LRRC53: variants seen among roughly 807,000 people sequenced by gnomAD.
LRRC53 encodes the protein leucine-rich repeat-containing protein 53.
In LRRC53, 25 loss-of-function variants were observed where a neutral mutation model predicts 13.6. That is an observed-to-expected ratio of 1.83 (90% confidence interval 1.34 to 2.56). The LOEUF (loss-of-function observed/expected upper bound fraction) is 2.56. Among genes scored for constraint, LRRC53 ranks in the 30% most tolerant of loss-of-function variants. The pLI is 0.00. For missense variants in LRRC53, 527 were observed against 275.8 expected, an observed-to-expected ratio of 1.91 and a Z score of -6.45; for synonymous variants, 204 against 109.8, an observed-to-expected ratio of 1.86 and a Z score of -5.37.
intron 1 of LRRC53, chr1:74,489,162 GA>G (rs944483618): frequency 6.3e-7 from 1 of 1,595,520 alleles, no homozygotes; most frequent in Non-Finnish European, 8.5e-7. Flanking sequence ...ATTCTTAAGG[GA>G]AAAAAGTTCT....
At chr1:74,531,144 T>A in the LRRC53 span, among the ~76,000 whole-genome samples, 1 of 152,194 alleles carries the variant, frequency 6.6e-6, no homozygotes, top group East Asian at 1.9e-4. Context: ...AGAAAACTGA[T>A]GGGTTTGATA....
At chr1:74,493,904 G>T (rs1419162210) in intron 1 of LRRC53, among the ~76,000 whole-genome samples, 1 of 152,178 alleles carries the variant, frequency 6.6e-6, no homozygotes, top group South Asian at 2.1e-4. Context: ...AAATATACTT[G>T]ATTTTTAGTG....
upstream of LRRC53, among the ~76,000 whole-genome samples, chr1:74,514,410 A>C (rs72981503): frequency 1.7e-4 from 26 of 152,312 alleles, no homozygotes; most frequent in African/African-American, 6.3e-4. Context: ...TTTAAGTAAA[A>C]AGGGGAGCAT....
At chr1:74,522,734 A>G in the LRRC53 span, among the ~76,000 whole-genome samples, 2 of 152,150 alleles carry the variant, frequency 1.3e-5, no homozygotes, top group Non-Finnish European at 2.9e-5. Flanking sequence ...TGATTGGAAT[A>G]TTGATCATTT....
chr1:74,512,796 T>C (rs1435967523), upstream of LRRC53, among the ~76,000 whole-genome samples: 2 of 152,198 alleles, frequency 1.3e-5, no homozygotes, highest in Non-Finnish European at 2.9e-5. Context: ...CTGTCTTCAC[T>C]GTTGGGAGCT....
Position 74,471,931 on chromosome 1 carries a change from C to T in LRRC53, c.1691G>A (p.Arg564Lys), listed in dbSNP as rs1168268327. ...AAGAGAATTGTTTGGCTGAAAATAC[C>T]TAGGTTTGCTCTGTTTTAACAGTCC... ...PCGLLKQSKP[R>K]YFQPNNSLIC... The change falls in exon 5 of 5, where the codon AGG becomes AAG. Residue 564 changes from arginine (R) to lysine (K), a missense_variant. By Grantham distance (26) the Arg-to-Lys change is conservative. Transcript: ENST00000294635. 1 of 502,756 alleles carries T rather than the reference C, an allele frequency of 2.0e-6. No homozygotes were observed. Among genetic ancestry groups the T allele is most frequent in the Non-Finnish European group, 3.5e-6 (1 of 282,404 alleles). The allele number at this position is 502,756 out of a possible 1,614,324, so 31.1% of individuals were successfully genotyped here.
At chr1:74,530,418 G>A in the LRRC53 span, among the ~76,000 whole-genome samples, 3 of 152,156 alleles carry the variant, frequency 2.0e-5, no homozygotes, top group Admixed American at 6.6e-5. Context: ...TATAAAATGA[G>A]TTGTTAGGTG....
At chr1:74,481,963 A>C (rs1417435596) in intron 2 of LRRC53, among the ~76,000 whole-genome samples, 1 of 152,140 alleles carries the variant, frequency 6.6e-6, no homozygotes, top group Non-Finnish European at 1.5e-5. Flanking sequence ...AAAATACGTA[A>C]AAGACAAAAG....
chr1:74,535,723 A>G, the LRRC53 span, among the ~76,000 whole-genome samples: 5 of 152,168 alleles, frequency 3.3e-5, no homozygotes, highest in African/African-American at 4.8e-5. Context: ...GTTGATGTCT[A>G]AGGTTCAACT....
In LRRC53 at chr1:74,498,131, T is replaced by C. The variant is rs552607249; in HGVS notation, c.-27+14395A>G. ...AAAATTATCTTACACAAAATGACAA[T>C]AGCATTCTTGGAGAGGAAAACTACA... On this transcript the variant is annotated intron_variant, in intron 1 of 4. Coordinates refer to ENST00000294635, the MANE Select transcript of LRRC53 (RefSeq NM_001382280.1). 3.9e-5 allele frequency among the ~76,000 whole-genome samples: 6 copies of C among 152,284 alleles called. No homozygotes were observed. In the South Asian group the frequency reaches 1.0e-3, roughly 26 times the overall value.
intron 1 of LRRC53, among the ~76,000 whole-genome samples, chr1:74,502,477 T>G (rs538906728): frequency 6.6e-6 from 1 of 152,230 alleles, no homozygotes; most frequent in South Asian, 2.1e-4. Flanking sequence ...ATAATTTAAT[T>G]TGGGCCTGTC....
At chr1:74,497,588 A>T (rs1253092397) in intron 1 of LRRC53, among the ~76,000 whole-genome samples, 1 of 148,326 alleles carries the variant, frequency 6.7e-6, no homozygotes, top group African/African-American at 2.5e-5. Context: ...ACACATACAC[A>T]TGCACACACA....
the LRRC53 span, among the ~76,000 whole-genome samples, chr1:74,518,344 T>G: frequency 6.6e-6 from 1 of 152,208 alleles, no homozygotes; most frequent in African/African-American, 2.4e-5. Context: ...CATAGCCTCT[T>G]ACTGTTCACT....
chr1:74,518,151 T>C, the LRRC53 span, among the ~76,000 whole-genome samples: 62,188 of 151,914 alleles, frequency 0.41, 15,251 homozygotes, highest in Non-Finnish European at 0.56. Context: ...GAAATGATAA[T>C]AGATGTTGAG....
intron 1 of LRRC53, among the ~76,000 whole-genome samples, chr1:74,496,141 G>A (rs900897929): frequency 6.6e-6 from 1 of 152,158 alleles, no homozygotes; most frequent in Admixed American, 6.6e-5. Context: ...TTCCCCAGGT[G>A]ATTCCAATAT....
chr1:74,497,144 T>C (rs1669369689), intron 1 of LRRC53, among the ~76,000 whole-genome samples: 1 of 152,176 alleles, frequency 6.6e-6, no homozygotes, highest in Admixed American at 6.5e-5. Context: ...AATTTTAATT[T>C]ACTCAAAGTT....
rs766081261 is a variant in LRRC53, at chr1:74,475,725, G to A, written c.990C>T (p.Asn330=). 1.3e-5 allele frequency: 9 copies of A among 688,846 alleles called. 1 individual carries two copies. Among genetic ancestry groups the A allele is most frequent in the South Asian group, 1.3e-4 (8 of 63,282 alleles). The allele number at this position is 688,846 out of a possible 1,614,324, so 42.7% of individuals were successfully genotyped here. The change falls in exon 4 of 5, where the codon AAC becomes AAT. Residue 330 remains asparagine, a synonymous_variant. Coordinates refer to ENST00000294635, the MANE Select transcript of LRRC53 (RefSeq NM_001382280.1). ...QGKANEHTSE[N]LCCRTFDEPL... ...GTTCATCGAAGGTTCTGCAACAAAG[G>A]TTTTCTGATGTGTGTTCATTTGCTT...
chr1:74,519,137 G>T, the LRRC53 span, among the ~76,000 whole-genome samples: 1 of 91,968 alleles, frequency 1.1e-5, no homozygotes. Flanking sequence ...GCGGTGTTTG[G>T]TTTTTTGTTC....
chr1:74,521,720 C>T, the LRRC53 span, among the ~76,000 whole-genome samples: 4 of 152,018 alleles, frequency 2.6e-5, no homozygotes, highest in African/African-American at 7.3e-5. Context: ...TTCAGCAAAG[C>T]GTGATAAATT....
Sources: allele counts gnomAD v4.1 joint callset (sites outside exome capture counted in the v4.1 genomes callset), GRCh38; gene constraint gnomAD v4.1.1; transcripts MANE v1.5; gene names NCBI Gene and HGNC (gene_info 2026-07-23, HGNC 2026-07-21).